Variants in ANTXRL observed in about 807,000 individuals in gnomAD.
The protein encoded by ANTXRL is anthrax toxin receptor-like.
A neutral mutation model predicts 75.4 loss-of-function variants in ANTXRL; 63 were observed. The ratio of observed to expected loss-of-function variants is 0.84; its 90% CI spans 0.68 to 1.03. The LOEUF (loss-of-function observed/expected upper bound fraction) is 1.03, where lower values mean the gene tolerates loss of function less well. Among genes scored for constraint, ANTXRL ranks in the 50% least tolerant of loss-of-function variants. ANTXRL has a pLI of 0.00. For missense variants in ANTXRL, 797 were observed against 789.4 expected (o/e 1.01, Z -0.12); for synonymous variants, 335 against 291.3 (o/e 1.15, Z -1.53).
chr10:46,315,539 C>T (rs1157746003), intron 16 of ANTXRL, among the ~76,000 whole-genome samples: 1 of 152,176 alleles, frequency 6.6e-6, no homozygotes, highest in Non-Finnish European at 1.5e-5. Flanking sequence ...TTCACTCAGG[C>T]CCTCAGCAGG....
intron 10 of ANTXRL, among the ~76,000 whole-genome samples, chr10:46,305,214 G>A (rs4076561): frequency 0.27 from 40,220 of 151,764 alleles, 4,712 homozygotes; most frequent in East Asian, 0.39. Context: ...GCCTGGAGGT[G>A]CAGTTCAGGG....
At chr10:46,293,507 C>CTG (rs781800090) in intron 2 of ANTXRL, among the ~76,000 whole-genome samples, 5,964 of 87,648 alleles carry the variant, frequency 0.068, 112 homozygotes, top group Middle Eastern at 0.11. Context: ...GTGTGTGCAC[C>CTG]TGTGTGTGTG....
At chr10:46,287,988 G>A (rs1448160781) in intron 1 of ANTXRL, among the ~76,000 whole-genome samples, 3 of 152,110 alleles carry the variant, frequency 2.0e-5, no homozygotes, top group African/African-American at 7.2e-5. Flanking sequence ...AAGGCCTTTG[G>A]TTGGCTGCTT....
intron 16 of ANTXRL, among the ~76,000 whole-genome samples, chr10:46,316,473 T>C (rs1588857947): frequency 1.3e-5 from 2 of 152,270 alleles, no homozygotes; most frequent in South Asian, 4.1e-4. Flanking sequence ...AGGTCCTTAC[T>C]GTGTGCATGG....
chr10:46,307,606 G>A (rs1554962263), intron 12 of ANTXRL, 126 bp downstream of exon 12: 2 of 927,222 alleles, frequency 2.2e-6, no homozygotes, highest in Non-Finnish European at 3.3e-6. Context: ...GCAGGCACCT[G>A]AGGCTGCTCC....
rs141837408 is a variant in ANTXRL at position 46,320,004 on chromosome 10, A to T, written c.1410+6688A>T. Among the ~76,000 whole-genome samples the T allele has an allele frequency of 4.4e-3, 671 of 152,292 alleles. 3 individuals carry two copies. The highest frequency in any genetic ancestry group is 0.014 in the Middle Eastern group (4 of 294). Reference sequence around the variant, plus strand: ...TGAAGCTGCATGATGTTCCATGTGAATGTATATGTCATCACCTCTCTTTTG... The same window carrying T: ...TGAAGCTGCATGATGTTCCATGTGATTGTATATGTCATCACCTCTCTTTTG... On this transcript the variant is annotated intron_variant, in intron 16 of 16. Coordinates refer to ENST00000620264, the MANE Select transcript of ANTXRL (RefSeq NM_001278688.3).
At chr10:46,293,967 G>C in intron 3 of ANTXRL, 67 bp downstream of exon 3, 1 of 1,443,476 alleles carries the variant, frequency 6.9e-7, no homozygotes, top group Non-Finnish European at 9.4e-7. Flanking sequence ...CCAGGGAGCT[G>C]AAGGGCTCCC....
chr10:46,306,703 C>A, intron 10 of ANTXRL, 100 bp from the exon 11 acceptor site: 1 of 1,048,168 alleles, frequency 9.5e-7, no homozygotes, highest in Non-Finnish European at 1.3e-6. Flanking sequence ...ACATGCCGGT[C>A]CTGGGCCACA....
intron 16 of ANTXRL, among the ~76,000 whole-genome samples, chr10:46,321,034 A>C (rs1554965477): frequency 6.6e-6 from 1 of 152,232 alleles, no homozygotes; most frequent in Non-Finnish European, 1.5e-5. Flanking sequence ...TAGCAAGTGC[A>C]GGAAAGAAAG....
chr10:46,303,944 A>G (rs1354131314), intron 10 of ANTXRL, among the ~76,000 whole-genome samples: 2 of 152,124 alleles, frequency 1.3e-5, no homozygotes, highest in Non-Finnish European at 2.9e-5. Flanking sequence ...TTCCAGGGCC[A>G]TATGGTAATC....
chr10:46,309,632 AC>A (rs1188282259), intron 13 of ANTXRL, among the ~76,000 whole-genome samples: 1 of 152,082 alleles, frequency 6.6e-6, no homozygotes, highest in East Asian at 1.9e-4. Flanking sequence ...GGACGCTGTA[AC>A]CCCCAGCTGT....
chr10:46,313,199 A>G, intron 15 of ANTXRL, 37 bp from the exon 16 acceptor site: 1 of 1,521,604 alleles, frequency 6.6e-7, no homozygotes, highest in Non-Finnish European at 8.8e-7. Flanking sequence ...GCAGTGTCCA[A>G]GCTGCATGTC....
At chr10:46,296,425 C>G (rs1166162576) in intron 5 of ANTXRL, among the ~76,000 whole-genome samples, 173 bp downstream of exon 5, 3 of 152,116 alleles carry the variant, frequency 2.0e-5, no homozygotes, top group Non-Finnish European at 2.9e-5. Context: ...CATAGTAAGC[C>G]CTCACCCCAT....
At chr10:46,304,261 C>T (rs1290971925) in intron 10 of ANTXRL, among the ~76,000 whole-genome samples, 2 of 152,146 alleles carry the variant, frequency 1.3e-5, no homozygotes, top group African/African-American at 4.8e-5. Flanking sequence ...ATGTGTCAAT[C>T]AGAACAACAG....
At chr10:46,316,999 G>T (rs578108665) in intron 16 of ANTXRL, among the ~76,000 whole-genome samples, 3 of 152,258 alleles carry the variant, frequency 2.0e-5, no homozygotes, top group Non-Finnish European at 2.9e-5. Context: ...TCCAGGGTTA[G>T]TTCCCACCTT....
At chr10:46,321,153 A>AT (rs1554965502) in intron 16 of ANTXRL, among the ~76,000 whole-genome samples, 1 of 152,054 alleles carries the variant, frequency 6.6e-6, no homozygotes, top group Non-Finnish European at 1.5e-5. Flanking sequence ...TTGTTTCTTC[A>AT]TTTTTTTGGT....
chr10:46,297,588 C>A, intron 7 of ANTXRL, 114 bp downstream of exon 7: 2 of 1,058,048 alleles, frequency 1.9e-6, no homozygotes, highest in Non-Finnish European at 2.7e-6. Flanking sequence ...TGAGTTGGGC[C>A]AACTCATGGC....
At position 46,311,534 on chromosome 10, in the gene ANTXRL, TCAC is replaced by T; in HGVS notation, c.1209_1211del (p.Pro411del). 1.3e-6 allele frequency: 2 copies of T among 1,533,606 alleles called. No individual in the cohort carries two copies. Among genetic ancestry groups the T allele is most frequent in the Non-Finnish European group, 8.7e-7 (1 of 1,145,674 alleles). The allele number at this position is 1,533,606 out of a possible 1,614,324, so 95.0% of individuals were successfully genotyped here. On this transcript the variant is annotated inframe_deletion, in exon 15 of 17. Coordinates refer to ENST00000620264, the MANE Select transcript of ANTXRL (RefSeq NM_001278688.3). ...GGAGCCAGAGCAGGAAAAACCACCATCACCACCACCACCGCCTCCGCCTCCACC... is the reference window on the plus strand; with the variant it reads ...GGAGCCAGAGCAGGAAAAACCACCATCACCACCACCGCCTCCGCCTCCACC...
chr10:46,291,955 G>A lies in ANTXRL; in HGVS notation c.249-103G>A. ...CCCAGCCTCAGCTGTGCTGGGGTCA[G>A]GAGAGCTTGTTAAGAGCCTGCTGGG... On this transcript the variant is annotated intron_variant, in intron 1 of 16. Transcript: ENST00000620264. 1.1e-5 allele frequency: 12 copies of A among 1,074,898 alleles called. No individual in the cohort carries two copies. The South Asian group carries it at 1.7e-4, about 15-fold the overall frequency. 66.6% of individuals were successfully genotyped at this position (1,074,898 alleles called of 1,614,324 possible).
Sources: gnomAD v4.1 joint callset for allele counts (sites outside exome capture counted in the v4.1 genomes callset) on GRCh38, gnomAD v4.1.1 for gene constraint, MANE v1.5 for transcripts, NCBI Gene and HGNC (gene_info 2026-07-23, HGNC 2026-07-21) for gene names.